Variants in ZNF790 observed in about 807,000 individuals in gnomAD.
ZNF790 encodes the protein zinc finger protein 790.
Under a neutral mutation model 12.1 loss-of-function variants are expected in ZNF790, and 8 were observed. That is an observed-to-expected ratio of 0.66 (90% CI 0.39 to 1.19). The LOEUF (loss-of-function observed/expected upper bound fraction) is 1.19, where lower values mean the gene tolerates loss of function less well. ZNF790 is among the 50% of genes most tolerant of loss of function. The probability of loss-of-function intolerance (pLI) is 0.01; values close to 1 mark genes in which losing one functional copy is unlikely to be tolerated. For missense variants in ZNF790, 707 were observed against 752.2 expected, an observed-to-expected ratio of 0.94 and a Z score of 0.70; for synonymous variants, 252 against 244.3, an observed-to-expected ratio of 1.03 and a Z score of -0.29.
At position 36,818,178 on chromosome 19, in the gene ZNF790, T is replaced by C. The variant is rs569217244; in HGVS notation, c.*255A>G. The C allele has an allele frequency of 3.7e-6, 1 of 267,986 alleles. No individual in the cohort carries two copies. The highest frequency in any genetic ancestry group is 7.1e-6 in the Non-Finnish European group (1 of 141,780). The allele number at this position is 267,986 out of a possible 1,614,324, so 16.6% of individuals were successfully genotyped here. A position where few individuals can be genotyped will look rare whatever the true frequency, so the allele number is the denominator to read the frequency against. Reference sequence around the variant, plus strand: ...TCTGATGAGAATGTTTTGAGAATGATTCAAAAAGAATTCATGCTATCTCAT... The same window carrying C: ...TCTGATGAGAATGTTTTGAGAATGACTCAAAAAGAATTCATGCTATCTCAT... On this transcript the variant is annotated 3_prime_UTR_variant, in exon 5 of 5. Coordinates refer to ENST00000356725, the MANE Select transcript of ZNF790 (RefSeq NM_206894.4).
chr19:36,827,297 CT>C (rs1849542809), intron 1 of ZNF790, among the ~76,000 whole-genome samples: 1 of 151,682 alleles, frequency 6.6e-6, no homozygotes, highest in Non-Finnish European at 1.5e-5. Context: ...AAGCAACAGC[CT>C]GGGCTCCACA....
chr19:36,838,109 C>CACACACACACACACAT lies in ZNF790; in HGVS notation c.-74+227_-74+228insATGTGTGTGTGTGTGT, dbSNP rs1286373768. 3.3e-5 allele frequency: 2 copies of CACACACACACACACAT among 60,280 alleles called. No homozygotes were observed. Among genetic ancestry groups the CACACACACACACACAT allele is most frequent in the African/African-American group, 8.2e-5 (1 of 12,176 alleles). The allele number at this position is 60,280 out of a possible 1,614,324, so 3.7% of individuals were successfully genotyped here. ...TCAACGTCGTGTGCGCGTGCGCGCA[C>CACACACACACACACAT]ACACACACACACACACACATACACA... On this transcript the variant is annotated intron_variant, in intron 1 of 4. Coordinates refer to ENST00000356725, the MANE Select transcript of ZNF790 (RefSeq NM_206894.4). The surrounding 1 kb of genome is among the most constrained non-coding windows in gnomAD (Gnocchi z 4.4).
chr19:36,827,470 C>G (rs746661000), intron 1 of ZNF790, among the ~76,000 whole-genome samples: 1 of 151,922 alleles, frequency 6.6e-6, no homozygotes, highest in African/African-American at 2.4e-5. Flanking sequence ...CCTGTTTTTG[C>G]GATTGTCTAT....
Position 36,819,458 on chromosome 19 carries a change from C to T in ZNF790, c.886G>A (p.Asp296Asn). ...ECGKAFSCGSDLTRHQRIHTG... is the reference protein window; with the variant it reads ...ECGKAFSCGSNLTRHQRIHTG... The stretch of plus-strand genomic sequence containing the variant: ...TGAATTCTCTGATGTCGAGTAAGAT[C>T]TGAGCCACAACTAAAGGCCTTCCCA... Residue 296 changes from aspartate (D) to asparagine (N), a missense_variant, in exon 5 of 5, where the codon GAT becomes AAT. Physicochemically the swap from Asp to Asn is conservative, Grantham distance 23. Coordinates refer to ENST00000356725, the MANE Select transcript of ZNF790 (RefSeq NM_206894.4). 6.2e-7 allele frequency: 1 copy of T among 1,610,168 alleles called. No homozygotes were observed. The highest frequency in any genetic ancestry group is 1.1e-5 in the South Asian group (1 of 90,760).
At chr19:36,835,206 T>C (rs2072021261) in intron 1 of ZNF790, among the ~76,000 whole-genome samples, 1 of 152,122 alleles carries the variant, frequency 6.6e-6, no homozygotes, top group Non-Finnish European at 1.5e-5. Flanking sequence ...GGAGAATTGC[T>C]TGAACCAGAA....
At position 36,828,320 on chromosome 19, in the gene ZNF790, G is replaced by A. The variant is rs377356204; in HGVS notation, c.-73-2628C>T. Among the ~76,000 whole-genome samples the A allele has an allele frequency of 1.6e-3, 246 of 151,918 alleles. 7 individuals are homozygous for A. In the South Asian group the frequency reaches 0.038, roughly 23 times the overall value. ...CTTAATTAAAAATATAAAATTAGCC[G>A]GGCATGGTGGCACATGCCTGTAATC... On this transcript the variant is annotated intron_variant, in intron 1 of 4. Coordinates refer to ENST00000356725, the MANE Select transcript of ZNF790 (RefSeq NM_206894.4).
rs767319593 is a variant in ZNF790 at position 36,819,121 on chromosome 19, T to G, written c.1223A>C (p.His408Pro). Residue 408 changes from histidine (H) to proline (P), a missense_variant, in exon 5 of 5, where the codon CAC (histidine) becomes CCC (proline). Transcript: ENST00000356725. ...ATGAATTCGCTGATGTCGAGCAAGG[T>G]GTGAGCTCCAAATATAGGCTTTCCC... ...KCGKAYIWSS[H>P]LARHQRIHTG... is the part of the protein sequence containing the mutation. 2.4e-5 allele frequency: 39 copies of G among 1,613,508 alleles called. No homozygotes were observed. The East Asian group carries it at 8.5e-4, about 35-fold the overall frequency.
chr19:36,823,173 G>T, intron 4 of ZNF790, 112 bp downstream of exon 4: 3 of 875,864 alleles, frequency 3.4e-6, no homozygotes, highest in Non-Finnish European at 3.5e-6. Flanking sequence ...CCCATTTTTT[G>T]GTCTTAAGGG....
At chr19:36,844,610 ATTCAAGAAG>A (rs1158829132) in intron 1 of ZNF790, among the ~76,000 whole-genome samples, 1 of 151,532 alleles carries the variant, frequency 6.6e-6, no homozygotes, top group Admixed American at 6.6e-5. Context: ...GCAACCATAG[ATTCAAGAAG>A]TTCACCAAAA....
chr19:36,825,876 A>AT (rs1231985092), intron 1 of ZNF790, among the ~76,000 whole-genome samples, 184 bp from the exon 2 acceptor site: 1 of 152,224 alleles, frequency 6.6e-6, no homozygotes, highest in Non-Finnish European at 1.5e-5. Flanking sequence ...TGCCAAAATC[A>AT]TGATCTGGAT....
At chr19:36,842,829 C>T (rs1468537394), upstream of ZNF790, among the ~76,000 whole-genome samples, 1 of 151,746 alleles carries the variant, frequency 6.6e-6, no homozygotes, top group African/African-American at 2.4e-5. Flanking sequence ...CATGGTGACA[C>T]CCTGTCTCTA....
chr19:36,827,141 C>CACACATATATATATAT (rs1313807327), intron 1 of ZNF790, among the ~76,000 whole-genome samples: 1 of 84,438 alleles, frequency 1.2e-5, no homozygotes, highest in Non-Finnish European at 2.1e-5. Flanking sequence ...CACACACACA[C>CACACATATATATATAT]ATATATATAT....
chr19:36,825,570 T>TA (rs1555715266), intron 2 of ZNF790, 41 bp downstream of exon 2: 1 of 1,598,422 alleles, frequency 6.3e-7, no homozygotes, highest in Non-Finnish European at 8.6e-7. Flanking sequence ...TGATTTGATA[T>TA]AAATGGGTTA....
chr19:36,830,312 T>A (rs1434202819), intron 1 of ZNF790, among the ~76,000 whole-genome samples: 1 of 152,252 alleles, frequency 6.6e-6, no homozygotes, highest in Non-Finnish European at 1.5e-5. Context: ...ATTTTTGTTT[T>A]TTTATTCTAT....
chr19:36,818,901 C>T lies in ZNF790; in HGVS notation c.1443G>A (p.Lys481=), dbSNP rs770722182. ...CACGAAAAAAGGTCTTTCCACATTC[C>T]TTACATTCATAGTTTCTCTCACCAG... The part of the protein sequence containing the change: ...IHTGERNYEC[K]ECGKTFFRGS... Residue 481 remains lysine (K), a synonymous_variant, in exon 5 of 5, where the codon AAG becomes AAA. Coordinates refer to ENST00000356725, the MANE Select transcript of ZNF790 (RefSeq NM_206894.4). 3 of 1,610,904 alleles carry T rather than the reference C, an allele frequency of 1.9e-6. No homozygotes were observed. The highest frequency in any genetic ancestry group is 2.2e-5 in the South Asian group (2 of 90,996).
At chr19:36,839,801 G>A (rs573558004), upstream of ZNF790, among the ~76,000 whole-genome samples, 8 of 152,118 alleles carry the variant, frequency 5.3e-5, no homozygotes, top group Non-Finnish European at 8.8e-5. Flanking sequence ...GGTGGCTCAC[G>A]CCTGTAATCC....
upstream of ZNF790, among the ~76,000 whole-genome samples, chr19:36,840,859 A>AAAGCAAC (rs2072123879): frequency 6.6e-6 from 1 of 152,116 alleles, no homozygotes; most frequent in Non-Finnish European, 1.5e-5. Flanking sequence ...ATAAAAGCAA[A>AAAGCAAC]AAGCAACAAC....
At chr19:36,840,897 A>G (rs1263042350), upstream of ZNF790, among the ~76,000 whole-genome samples, 1 of 152,130 alleles carries the variant, frequency 6.6e-6, no homozygotes, top group African/African-American at 2.4e-5. Context: ...CTCAGGTAGG[A>G]TCTCCCCAGG....
upstream of ZNF790, among the ~76,000 whole-genome samples, chr19:36,838,546 C>T (rs1343694943): frequency 1.3e-5 from 2 of 152,174 alleles, no homozygotes; most frequent in East Asian, 3.9e-4. The surrounding 1 kb of genome is among the most constrained non-coding windows in gnomAD (Gnocchi z 4.4). Flanking sequence ...CAAAGACCAT[C>T]GCCCACACAC....
Sources: allele counts gnomAD v4.1 joint callset (sites outside exome capture counted in the v4.1 genomes callset), GRCh38; gene constraint gnomAD v4.1.1; non-coding constraint Gnocchi (gnomAD v3.1); transcripts MANE v1.5; gene names NCBI Gene and HGNC (gene_info 2026-07-23, HGNC 2026-07-21).